The following STXBP5 variants were observed in gnomAD, a reference collection of about 807,000 sequenced individuals.
STXBP5 encodes the protein syntaxin binding protein 5.
In STXBP5, 50 loss-of-function variants were observed where a neutral mutation model predicts 152.4. That is an observed-to-expected ratio of 0.33 (90% CI 0.26 to 0.42). The LOEUF is 0.42. Among genes scored for constraint, STXBP5 ranks in the 10% least tolerant of loss-of-function variants. STXBP5 has a pLI of 1.00. For synonymous variants in STXBP5, 492 were observed against 494.7 expected (o/e 0.99, Z 0.07); for missense variants, 1,167 against 1,388.6 (o/e 0.84, Z 2.54).
intron 26 of STXBP5, among the ~76,000 whole-genome samples, chr6:147,379,751 T>A (rs1224833403): frequency 1.3e-5 from 2 of 152,046 alleles, no homozygotes; most frequent in Non-Finnish European, 2.9e-5. Context: ...TCCTAAGGAA[T>A]CCACATAAAA....
intron 9 of STXBP5, among the ~76,000 whole-genome samples, chr6:147,294,585 A>G (rs1781427660): frequency 6.6e-6 from 1 of 152,170 alleles, no homozygotes; most frequent in Non-Finnish European, 1.5e-5. Flanking sequence ...ACCAAATTTT[A>G]TAACTGAAGA....
At chr6:147,374,739 CT>C (rs1313711497) in intron 26 of STXBP5, among the ~76,000 whole-genome samples, 1 of 152,192 alleles carries the variant, frequency 6.6e-6, no homozygotes, top group Non-Finnish European at 1.5e-5. Flanking sequence ...CTCTGCAGTA[CT>C]TTGCTAATGA....
intron 25 of STXBP5, among the ~76,000 whole-genome samples, chr6:147,364,946 A>G (rs76659026): frequency 0.03 from 4,625 of 152,280 alleles, 62 homozygotes; most frequent in Middle Eastern, 0.054. Flanking sequence ...ATTCAAGTCC[A>G]TCTTGCTAAC....
intron 2 of STXBP5, among the ~76,000 whole-genome samples, chr6:147,216,043 A>G (rs1236121944): frequency 6.6e-6 from 1 of 152,160 alleles, no homozygotes; most frequent in Non-Finnish European, 1.5e-5. Flanking sequence ...GATGTTACAG[A>G]TGTTTGTCAA....
chr6:147,233,168 A>T (rs536287809), intron 2 of STXBP5, among the ~76,000 whole-genome samples: 1 of 151,942 alleles, frequency 6.6e-6, no homozygotes, highest in East Asian at 1.9e-4. Context: ...CAAACATCTA[A>T]GATGAATGCG....
At chr6:147,272,634 T>C (rs375554001) in intron 7 of STXBP5, among the ~76,000 whole-genome samples, 1 of 152,150 alleles carries the variant, frequency 6.6e-6, no homozygotes, top group Admixed American at 6.5e-5. Context: ...ACCTTTCCCC[T>C]CCCCTAATAT....
chr6:147,338,778 A>G (rs1429929688), intron 19 of STXBP5, among the ~76,000 whole-genome samples: 1 of 117,074 alleles, frequency 8.5e-6, no homozygotes, highest in Non-Finnish European at 1.9e-5. Flanking sequence ...AACAAGTTTT[A>G]CCAGCAAATT....
chr6:147,358,533 A>T (rs1474796912), intron 22 of STXBP5, among the ~76,000 whole-genome samples: 1 of 152,158 alleles, frequency 6.6e-6, no homozygotes, highest in East Asian at 1.9e-4. Flanking sequence ...TTTCAATTGT[A>T]CTTGACCTTT....
intron 8 of STXBP5, among the ~76,000 whole-genome samples, chr6:147,279,081 A>G (rs1369496121): frequency 2.4e-4 from 36 of 152,202 alleles, no homozygotes; most frequent in Non-Finnish European, 5.9e-5. Context: ...GTTTTCTTGA[A>G]AACCAAGTTC....
intron 9 of STXBP5, among the ~76,000 whole-genome samples, chr6:147,307,476 C>CTT (rs1424985760): frequency 2.0e-5 from 3 of 152,124 alleles, no homozygotes; most frequent in Non-Finnish European, 4.4e-5. Flanking sequence ...CTTACAAAAA[C>CTT]TTTAAATTTT....
chr6:147,316,022 T>A (rs1230660882), intron 15 of STXBP5, among the ~76,000 whole-genome samples: 1 of 152,182 alleles, frequency 6.6e-6, no homozygotes, highest in Admixed American at 6.6e-5. Context: ...TCTAAAATCA[T>A]AATGCACGTT....
intron 2 of STXBP5, among the ~76,000 whole-genome samples, chr6:147,233,111 A>G (rs1778086850): frequency 2.0e-5 from 3 of 151,610 alleles, no homozygotes; most frequent in Non-Finnish European, 4.4e-5. Flanking sequence ...TCACCTTAAT[A>G]TTCTATAAAA....
In STXBP5 at chr6:147,274,747, G is replaced by C. The variant is rs148883552; in HGVS notation, c.715-3334G>C. On this transcript the variant is annotated intron_variant, in intron 7 of 27. Coordinates refer to ENST00000321680, the MANE Select transcript of STXBP5 (RefSeq NM_001127715.4). ...ACACATTTTCTTTTGTCATTTTTTG[G>C]CATTTTTCTGAGGGCTTTGACAATA... Among the ~76,000 whole-genome samples, 82 of 151,804 alleles carry C rather than the reference G, an allele frequency of 5.4e-4. 2 individuals are homozygous for C. In the East Asian group the frequency reaches 0.015, roughly 28 times the overall value.
rs373780692 is a variant in STXBP5, at chr6:147,324,940, A to G, written c.1803-19A>G. ...TAGTTGAAAATGGTTTAAAGATACC[A>G]TGTTTTCTTTTATTTTAGAGTTAAA... is the stretch of plus-strand genomic sequence containing the variant. On this transcript the variant is annotated intron_variant, in intron 16 of 27. Transcript: ENST00000321680. The G allele has an allele frequency of 6.7e-7, 1 of 1,495,886 alleles. No homozygotes were observed. Among genetic ancestry groups the G allele is most frequent in the East Asian group, 2.4e-5 (1 of 41,800 alleles). The allele number at this position is 1,495,886 out of a possible 1,614,324, so 92.7% of individuals were successfully genotyped here.
intron 9 of STXBP5, among the ~76,000 whole-genome samples, chr6:147,302,821 G>T (rs368646736): frequency 1.3e-5 from 2 of 152,078 alleles, no homozygotes; most frequent in African/African-American, 2.4e-5. Flanking sequence ...GCATACTGGC[G>T]TATAACATGT....
chr6:147,309,642 G>T (rs1177843602), intron 9 of STXBP5, among the ~76,000 whole-genome samples: 1 of 152,052 alleles, frequency 6.6e-6, no homozygotes, highest in African/African-American at 2.4e-5. Flanking sequence ...AAAGTGATTT[G>T]TATTGAGTAC....
chr6:147,321,712 G>A (rs1334975825), intron 16 of STXBP5, among the ~76,000 whole-genome samples: 1 of 152,126 alleles, frequency 6.6e-6, no homozygotes, highest in Non-Finnish European at 1.5e-5. Context: ...GAGGCTCTAC[G>A]CATCACTTTA....
chr6:147,373,438 A>G (rs1413063101), intron 25 of STXBP5, among the ~76,000 whole-genome samples: 2 of 151,274 alleles, frequency 1.3e-5, no homozygotes, highest in East Asian at 3.9e-4. Context: ...TATGAGTTAT[A>G]TGAAAATTTT....
chr6:147,362,968 T>C (rs1002064750), intron 23 of STXBP5, among the ~76,000 whole-genome samples: 2 of 152,228 alleles, frequency 1.3e-5, no homozygotes, highest in Non-Finnish European at 2.9e-5. Context: ...CTCCAGGTGC[T>C]ATCCACTTGC....
Sources: allele counts gnomAD v4.1 joint callset (sites outside exome capture counted in the v4.1 genomes callset), GRCh38; gene constraint gnomAD v4.1.1; transcripts MANE v1.5; gene names NCBI Gene and HGNC (gene_info 2026-07-23, HGNC 2026-07-21).